The following TOPAZ1 variants were observed in gnomAD, a reference collection of about 807,000 sequenced individuals.
The protein encoded by TOPAZ1 is testis and ovary specific TOPAZ 1.
TOPAZ1 carries 66 observed loss-of-function variants against 172.2 expected under a neutral mutation model. The ratio of observed to expected loss-of-function variants is 0.38; its 90% CI spans 0.31 to 0.47. The LOEUF is 0.47. Ranked by LOEUF, TOPAZ1 falls within the 20% of genes least tolerant of loss-of-function variation. TOPAZ1 has a pLI of 0.99. For synonymous variants in TOPAZ1, 681 were observed against 683.9 expected (o/e 1.00, Z 0.07); for missense variants, 1,822 against 1,972.4 (o/e 0.92, Z 1.44).
At chr3:44,332,467 A>G (rs998163704), downstream of TOPAZ1, among the ~76,000 whole-genome samples, 1 of 152,212 alleles carries the variant, frequency 6.6e-6, no homozygotes, top group Non-Finnish European at 1.5e-5. Flanking sequence ...AAAATTCAGA[A>G]TACTTTCTGA....
chr3:44,310,501 A>C (rs996752496), intron 16 of TOPAZ1, among the ~76,000 whole-genome samples: 2 of 149,944 alleles, frequency 1.3e-5, no homozygotes, highest in Admixed American at 1.3e-4. Context: ...TCCATCTCAG[A>C]AAAAAAAAAG....
chr3:44,274,561 AT>A (rs34971677), intron 8 of TOPAZ1, among the ~76,000 whole-genome samples: 168 of 144,358 alleles, frequency 1.2e-3, no homozygotes, highest in Middle Eastern at 0.011. Flanking sequence ...AAAGCCTTAA[AT>A]TTTTTTTTTT....
At chr3:44,296,529 A>G (rs747761958) in intron 12 of TOPAZ1, among the ~76,000 whole-genome samples, 52 of 152,088 alleles carry the variant, frequency 3.4e-4, no homozygotes, top group Non-Finnish European at 5.3e-4. Context: ...GATTGCCTTG[A>G]ACAACTTGAC....
intron 12 of TOPAZ1, among the ~76,000 whole-genome samples, chr3:44,294,283 T>G (rs1700170841): frequency 6.6e-6 from 1 of 151,984 alleles, no homozygotes; most frequent in African/African-American, 2.4e-5. Flanking sequence ...CATGACTGTA[T>G]ATAGTATTCT....
At chr3:44,277,562 G>A (rs1699974111) in intron 8 of TOPAZ1, among the ~76,000 whole-genome samples, 1 of 152,106 alleles carries the variant, frequency 6.6e-6, no homozygotes, top group African/African-American at 2.4e-5. Flanking sequence ...CCTTGTCTTG[G>A]TCATTCAGTA....
chr3:44,278,254 T>A (rs1272754329), intron 8 of TOPAZ1, among the ~76,000 whole-genome samples: 2 of 152,192 alleles, frequency 1.3e-5, no homozygotes, highest in Non-Finnish European at 2.9e-5. Context: ...GTATTTTTTT[T>A]ATGTGCTGCT....
chr3:44,267,193 A>C, intron 6 of TOPAZ1, 57 bp downstream of exon 6: 2 of 1,353,792 alleles, frequency 1.5e-6, no homozygotes, highest in Non-Finnish European at 1.9e-6. Context: ...AGAAACTAGG[A>C]GATTTTTCTA....
intron 18 of TOPAZ1, among the ~76,000 whole-genome samples, chr3:44,325,554 A>C (rs986492750): frequency 3.3e-5 from 5 of 152,122 alleles, no homozygotes; most frequent in African/African-American, 1.2e-4. Context: ...CCTAGGCAAC[A>C]ACTAATTTAT....
rs1700672989 is a variant in TOPAZ1 at position 44,331,796 on chromosome 3, G to C, written c.4864G>C (p.Glu1622Gln). 1 of 1,551,372 alleles carries C rather than the reference G, an allele frequency of 6.4e-7. No individual in the cohort carries two copies. Among genetic ancestry groups the C allele is most frequent in the Non-Finnish European group, 8.7e-7 (1 of 1,146,620 alleles). ...QILQIVLKRC[E>Q]DNQSRSNDDY... ...TATGAGGTGTTCATTTTATAGGTGT[G>C]AAGACAACCAGTCTCGGAGCAATGA... Residue 1622 changes from glutamate to glutamine, a missense_variant, in exon 20 of 20, where the codon GAA becomes CAA. This residue lies in a region of TOPAZ1 where 333 missense variants were observed against 481.7 expected (regional missense o/e 0.69). Transcript: ENST00000309765.
At chr3:44,283,264 A>T (rs1700042351) in intron 9 of TOPAZ1, among the ~76,000 whole-genome samples, 1 of 152,218 alleles carries the variant, frequency 6.6e-6, no homozygotes, top group Non-Finnish European at 1.5e-5. Context: ...TAAAAATAAA[A>T]ACTTAGATCA....
intron 2 of TOPAZ1, among the ~76,000 whole-genome samples, chr3:44,245,865 G>A (rs1699559374): frequency 6.6e-6 from 1 of 152,184 alleles, no homozygotes; most frequent in Non-Finnish European, 1.5e-5. Context: ...AAGTGATGGA[G>A]ATTGCTTCTT....
chr3:44,304,436 A>G, intron 13 of TOPAZ1, among the ~76,000 whole-genome samples: 1 of 152,258 alleles, frequency 6.6e-6, no homozygotes. Flanking sequence ...GCTACAGTAC[A>G]TGAAATGGTG....
intron 12 of TOPAZ1, among the ~76,000 whole-genome samples, chr3:44,294,245 A>AG (rs1189305254): frequency 6.6e-6 from 1 of 152,024 alleles, no homozygotes; most frequent in African/African-American, 2.4e-5. Flanking sequence ...GTCTCAAAAA[A>AG]AAAAAGACAT....
intron 8 of TOPAZ1, among the ~76,000 whole-genome samples, chr3:44,278,239 A>G (rs996306147): frequency 6.6e-6 from 1 of 152,100 alleles, no homozygotes; most frequent in African/African-American, 2.4e-5. Flanking sequence ...CCACTTGATC[A>G]TGATGTATTT....
At chr3:44,319,879 G>A (rs182955984) in intron 16 of TOPAZ1, among the ~76,000 whole-genome samples, 220 of 152,200 alleles carry the variant, frequency 1.4e-3, no homozygotes, top group African/African-American at 5.1e-3. Flanking sequence ...TATTCACTGT[G>A]CTAGGAAGGC....
At chr3:44,329,038 T>A (rs1276749842) in intron 19 of TOPAZ1, among the ~76,000 whole-genome samples, 1 of 152,222 alleles carries the variant, frequency 6.6e-6, no homozygotes. Context: ...ACTTGCAATA[T>A]AAGGATCTCC....
chr3:44,276,293 T>A (rs1699956607), intron 8 of TOPAZ1, among the ~76,000 whole-genome samples: 1 of 152,180 alleles, frequency 6.6e-6, no homozygotes, highest in South Asian at 2.1e-4. Flanking sequence ...ATCTCCCCTA[T>A]GTTTTCTCCT....
chr3:44,299,766 G>A lies in TOPAZ1; in HGVS notation c.3798-4249G>A, dbSNP rs1328352489. ...GCACATATACACCATGGAATACTAT[G>A]CAGCCATAAAAAATGATGAGTTCAT... On this transcript the variant is annotated intron_variant, in intron 12 of 19. Coordinates refer to ENST00000309765, the MANE Select transcript of TOPAZ1 (RefSeq NM_001145030.2). 1.8e-4 allele frequency among the ~76,000 whole-genome samples: 27 copies of A among 149,618 alleles called. No homozygotes were observed. The East Asian group carries it at 3.1e-3, about 17-fold the overall frequency.
At chr3:44,299,957 T>TG (rs59025711) in intron 12 of TOPAZ1, among the ~76,000 whole-genome samples, 48,154 of 94,232 alleles carry the variant, frequency 0.51, 9,571 homozygotes, top group East Asian at 0.77. Flanking sequence ...TGTTGTGGGG[T>TG]GGGGGGAGGG....
Sources: gnomAD v4.1 joint callset for allele counts (sites outside exome capture counted in the v4.1 genomes callset) on GRCh38, gnomAD v4.1.1 for gene constraint, gnomAD v4.1.1 regional missense constraint, MANE v1.5 for transcripts, NCBI Gene and HGNC (gene_info 2026-07-23, HGNC 2026-07-21) for gene names.